Variants in OPA1 observed in about 807,000 individuals in gnomAD.
OPA1 encodes the protein OPA1 mitochondrial dynamin like GTPase.
Under a neutral mutation model 152.9 loss-of-function variants are expected in OPA1, and 59 were observed. That is an observed-to-expected ratio of 0.39 (90% CI 0.31 to 0.48). The LOEUF (loss-of-function observed/expected upper bound fraction) is 0.48, where lower values mean the gene tolerates loss of function less well. Ranked by LOEUF, OPA1 falls within the 20% of genes least tolerant of loss-of-function variation. OPA1 has a pLI of 0.96. For missense variants in OPA1, 1,008 were observed against 1,216.8 expected (o/e 0.83, Z 2.55); for synonymous variants, 400 against 389.9 (o/e 1.03, Z -0.31).
intron 29 of OPA1, among the ~76,000 whole-genome samples, chr3:193,690,385 G>A (rs1028138056): frequency 1.5e-5 from 2 of 133,212 alleles, no homozygotes; most frequent in African/African-American, 5.8e-5. Context: ...CTTCAGCCAG[G>A]CATAGTGGCA....
Position 193,631,673 on chromosome 3 carries a change from T to G in OPA1, c.843+8T>G. 1 of 1,607,618 alleles carries G rather than the reference T, an allele frequency of 6.2e-7. No homozygotes were observed. The highest frequency in any genetic ancestry group is 8.5e-7 in the Non-Finnish European group (1 of 1,174,766). On this transcript the variant is annotated splice_region_variant and intron_variant, in intron 8 of 30. Transcript: ENST00000361510. Reference sequence around the variant, plus strand: ...GAACTTCTGCACACTCAGGTAATCATGATGACTAAGAAAAACTAGGGACTT... The same window carrying G: ...GAACTTCTGCACACTCAGGTAATCAGGATGACTAAGAAAAACTAGGGACTT...
At chr3:193,667,056 G>A in intron 28 of OPA1, 114 bp from the exon 29 acceptor site, 9 of 666,554 alleles carry the variant, frequency 1.4e-5, no homozygotes, top group South Asian at 1.3e-4. Flanking sequence ...AAAAGTATTA[G>A]CAATAGTTCT....
In OPA1 at chr3:193,696,416, G is replaced by A. The variant is rs944710873; in HGVS notation, c.*1816G>A. 20 of 152,332 alleles carry A rather than the reference G, an allele frequency of 1.3e-4. No homozygotes were observed. Among genetic ancestry groups the A allele is most frequent in the African/African-American group, 4.1e-4 (17 of 41,576 alleles). The allele number at this position is 152,332 out of a possible 1,614,324, so 9.4% of individuals were successfully genotyped here. On this transcript the variant is annotated 3_prime_UTR_variant, in exon 31 of 31. Coordinates refer to ENST00000361510, the MANE Select transcript of OPA1 (RefSeq NM_130837.3). ...TGAGGAGATCAGTATTGTAACGTAT[G>A]TGAATAGATGATAACAATTAATATT...
intron 29 of OPA1, among the ~76,000 whole-genome samples, chr3:193,667,670 C>CAA (rs35232250): frequency 0.25 from 23,312 of 92,846 alleles, 2,606 homozygotes; most frequent in South Asian, 0.32. Context: ...GATTCTGTCT[C>CAA]AAAAAAAAAA....
chr3:193,644,024 A>T lies in OPA1; in HGVS notation c.1527A>T (p.Gln509His). 1 of 1,613,878 alleles carries T rather than the reference A, an allele frequency of 6.2e-7. No homozygotes were observed. Among genetic ancestry groups the T allele is most frequent in the Non-Finnish European group, 8.5e-7 (1 of 1,179,820 alleles). The change falls in exon 16 of 31, where the codon CAA (glutamine) becomes CAT (histidine). Residue 509 changes from glutamine to histidine, a missense_variant. Physicochemically the swap from Gln to His is conservative, Grantham distance 24. Transcript: ENST00000361510. ...ERSIVTDLVS[Q>H]MDPHGRRTIF... is the part of the protein sequence containing the mutation. The stretch of plus-strand genomic sequence containing the variant: ...GTATTGTTACAGACTTGGTCAGTCA[A>T]ATGGACCCTCATGGAAGGAGAACCA...
chr3:193,595,000 A>G (rs577284322), intron 1 of OPA1, among the ~76,000 whole-genome samples: 44 of 152,340 alleles, frequency 2.9e-4, no homozygotes, highest in African/African-American at 9.9e-4. Flanking sequence ...GAGTTTTAAA[A>G]CAAACTGATT....
intron 6 of OPA1, among the ~76,000 whole-genome samples, chr3:193,623,996 A>G (rs1730613419): frequency 6.6e-6 from 1 of 152,166 alleles, no homozygotes; most frequent in Non-Finnish European, 1.5e-5. Flanking sequence ...CTATCTTTAC[A>G]TAATAGTGCT....
chr3:193,611,254 G>A (rs929648368), intron 1 of OPA1, among the ~76,000 whole-genome samples: 2 of 152,166 alleles, frequency 1.3e-5, no homozygotes, highest in Admixed American at 1.3e-4. Flanking sequence ...AATTGAAGGG[G>A]CATAAGCTTA....
chr3:193,626,147 A>T lies in OPA1; in HGVS notation c.734A>T (p.Glu245Val). The T allele has an allele frequency of 6.2e-7, 1 of 1,614,132 alleles. No homozygotes were observed. The highest frequency in any genetic ancestry group is 1.7e-5 in the Admixed American group (1 of 60,028). The change falls in exon 7 of 31, where the codon GAA becomes GTA. Residue 245 changes from glutamate (E) to valine (V), a missense_variant. Physicochemically the swap from Glu to Val is moderately radical, Grantham distance 121. This residue lies in a region of OPA1 where 408 missense variants were observed against 395.1 expected (regional missense o/e 1.03). Transcript: ENST00000361510. ...CAACAAATTCAAGAGCATGAAGAGG[A>T]AGCGCGCAGAGCCGCTGGCCAATAT... ...LQQQIQEHEEEARRAAGQYST... is the reference protein window; with the variant it reads ...LQQQIQEHEEVARRAAGQYST...
In OPA1 at chr3:193,644,100, A is replaced by G; in HGVS notation, c.1603A>G (p.Ser535Gly). ...GGCAGAGAAAAATGTAGCCAGTCCA[A>G]GCAGGGTGAGGTCAAATTCTTTGTT... ...DLAEKNVASP[S>G]RIQQIIEGKL... Residue 535 changes from serine (S) to glycine (G), a missense_variant, in exon 16 of 31, where the codon AGC becomes GGC. Transcript: ENST00000361510. The G allele has an allele frequency of 4.3e-6, 7 of 1,613,718 alleles. No individual in the cohort carries two copies. The highest frequency in any genetic ancestry group is 1.1e-5 in the South Asian group (1 of 91,064).
chr3:193,622,226 CTTTTTT>C (rs758993120), intron 6 of OPA1, among the ~76,000 whole-genome samples: 11 of 107,916 alleles, frequency 1.0e-4, no homozygotes, highest in African/African-American at 4.2e-4. Flanking sequence ...TACTCTCATT[CTTTTTT>C]TTTTTTTTTT....
chr3:193,654,876 A>G lies in OPA1; in HGVS notation c.2027A>G (p.Gln676Arg). Residue 676 changes from glutamine (Q) to arginine (R), a missense_variant, in exon 22 of 31, where the codon CAA (glutamine) becomes CGA (arginine). Gln to Arg is a conservative substitution (Grantham distance 43). This residue lies in a region of OPA1 where 229 missense variants were observed against 269.0 expected (regional missense o/e 0.85). Transcript: ENST00000361510. ...VTPKHWEEIL[Q>R]QSLWERVSTH... is the part of the protein sequence containing the mutation. ...TTTTATTTCAGGGAGGAAATCCTTC[A>G]ACAATCTTTGTGGGAAAGAGTATCA... is the stretch of plus-strand genomic sequence containing the variant. 6.2e-7 allele frequency: 1 copy of G among 1,613,868 alleles called. No homozygotes were observed. Among genetic ancestry groups the G allele is most frequent in the Non-Finnish European group, 8.5e-7 (1 of 1,179,898 alleles).
chr3:193,593,271 C>G lies in OPA1; in HGVS notation c.-107C>G. 1 of 1,204,382 alleles carries G rather than the reference C, an allele frequency of 8.3e-7. No homozygotes were observed. The highest frequency in any genetic ancestry group is 1.1e-6 in the Non-Finnish European group (1 of 883,910). 74.6% of individuals were successfully genotyped at this position (1,204,382 alleles called of 1,614,324 possible). ...CGGCCGCGGCTCTGTGCCCTTGCTGCTGAGGGCCACTTCCTGGGTCATTCC... is the reference window on the plus strand; with the variant it reads ...CGGCCGCGGCTCTGTGCCCTTGCTGGTGAGGGCCACTTCCTGGGTCATTCC... On this transcript the variant is annotated 5_prime_UTR_variant, in exon 1 of 31. Transcript: ENST00000361510.
intron 30 of OPA1, 117 bp downstream of exon 30, chr3:193,692,249 A>T: frequency 1.5e-6 from 1 of 674,602 alleles, no homozygotes; most frequent in Non-Finnish European, 2.7e-6. Flanking sequence ...TGTAATTTCA[A>T]TGGCATGAAT....
At chr3:193,689,222 T>C (rs950708251) in intron 29 of OPA1, 6 of 152,208 alleles carry the variant, frequency 3.9e-5, no homozygotes, top group African/African-American at 1.2e-4. Flanking sequence ...ATTGTGAAAG[T>C]GAAAGAACAA....
chr3:193,596,365 A>ATTT (rs1725554344), intron 1 of OPA1, among the ~76,000 whole-genome samples: 2 of 68,078 alleles, frequency 2.9e-5, no homozygotes, highest in African/African-American at 5.7e-5. Context: ...TCTTTTCTTA[A>ATTT]TTTTCTTTTC....
chr3:193,687,645 C>A (rs1336597623), intron 29 of OPA1, among the ~76,000 whole-genome samples: 1 of 152,108 alleles, frequency 6.6e-6, no homozygotes, highest in Non-Finnish European at 1.5e-5. Context: ...TCTGAAGGAT[C>A]GGAAAGTAGG....
At chr3:193,690,677 TAAA>T (rs1577408242) in intron 29 of OPA1, among the ~76,000 whole-genome samples, 2 of 152,110 alleles carry the variant, frequency 1.3e-5, no homozygotes, top group African/African-American at 4.8e-5. Flanking sequence ...GCCTCGCTGG[TAAA>T]AAGGAATACA....
At chr3:193,685,795 A>G (rs372366805) in intron 29 of OPA1, among the ~76,000 whole-genome samples, 2 of 152,260 alleles carry the variant, frequency 1.3e-5, no homozygotes, top group Non-Finnish European at 2.9e-5. Context: ...AAGATGAAGT[A>G]TATAATGAAT....
Sources: allele counts gnomAD v4.1 joint callset (sites outside exome capture counted in the v4.1 genomes callset), GRCh38; gene constraint gnomAD v4.1.1; regional missense constraint gnomAD v4.1.1; transcripts MANE v1.5; gene names NCBI Gene and HGNC (gene_info 2026-07-23, HGNC 2026-07-21).